LHFPL3: variants seen among roughly 807,000 people sequenced by gnomAD.
LHFPL3 encodes LHFPL tetraspan subfamily member 3 protein.
LHFPL3 carries 5 observed loss-of-function variants against 19.3 expected under a neutral mutation model. The observed-to-expected ratio is 0.26, with a 90% CI of 0.14 to 0.54. The LOEUF is 0.54. Among genes scored for constraint, LHFPL3 ranks in the 20% least tolerant of loss-of-function variants. The pLI, the probability that LHFPL3 is intolerant of heterozygous loss-of-function variation, is 0.94. For synonymous variants in LHFPL3, 133 were observed against 126.2 expected (o/e 1.05, Z -0.36); for missense variants, 249 against 307.4 (o/e 0.81, Z 1.42).
intron 2 of LHFPL3, among the ~76,000 whole-genome samples, chr7:104,797,482 G>T (rs761509163): frequency 2.0e-5 from 3 of 152,124 alleles, no homozygotes; most frequent in Admixed American, 6.6e-5. Flanking sequence ...TGCTCCTTCT[G>T]TATACATCCC....
chr7:104,810,009 G>A (rs1790435412), intron 2 of LHFPL3, among the ~76,000 whole-genome samples: 1 of 152,130 alleles, frequency 6.6e-6, no homozygotes, highest in Admixed American at 6.5e-5. Context: ...TAGTCTAAAT[G>A]GGTTATGCAA....
intron 2 of LHFPL3, among the ~76,000 whole-genome samples, chr7:104,884,767 T>C (rs982090023): frequency 6.6e-6 from 1 of 152,160 alleles, no homozygotes; most frequent in Non-Finnish European, 1.5e-5. Context: ...TTGAAGAAAA[T>C]GACCTTACCT....
intron 2 of LHFPL3, among the ~76,000 whole-genome samples, chr7:104,743,099 C>T (rs1026728018): frequency 4.6e-5 from 7 of 152,004 alleles, no homozygotes; most frequent in East Asian, 1.9e-4. Context: ...CCAGCCTGGG[C>T]GACAGAGAGA....
intron 1 of LHFPL3, among the ~76,000 whole-genome samples, chr7:104,443,049 T>C (rs1305108263): frequency 6.6e-6 from 1 of 152,206 alleles, no homozygotes; most frequent in Non-Finnish European, 1.5e-5. Flanking sequence ...AGAGTACCAA[T>C]AGTTTATACC....
At chr7:104,811,140 C>T (rs898058120) in intron 2 of LHFPL3, among the ~76,000 whole-genome samples, 1 of 53,698 alleles carries the variant, frequency 1.9e-5, no homozygotes, top group Non-Finnish European at 4.1e-5. Flanking sequence ...TCTTTCCTTC[C>T]TTTCTTTCTT....
At chr7:104,657,010 C>A (rs1330403051) in intron 1 of LHFPL3, among the ~76,000 whole-genome samples, 2 of 152,192 alleles carry the variant, frequency 1.3e-5, no homozygotes, top group African/African-American at 4.8e-5. Flanking sequence ...CATTTACTTT[C>A]TTTTGAAAGG....
chr7:104,561,140 G>GA (rs1002982937), intron 1 of LHFPL3, among the ~76,000 whole-genome samples: 6 of 152,102 alleles, frequency 3.9e-5, no homozygotes, highest in South Asian at 2.1e-4. Context: ...GTGTGGTGCT[G>GA]AAAAAAATGT....
At chr7:104,706,815 A>G (rs1340492570) in intron 1 of LHFPL3, among the ~76,000 whole-genome samples, 2 of 152,172 alleles carry the variant, frequency 1.3e-5, no homozygotes, top group African/African-American at 4.8e-5. Context: ...TGGCATTTTA[A>G]TGGTCAGCAT....
chr7:104,632,297 A>C (rs1326267912), intron 1 of LHFPL3, among the ~76,000 whole-genome samples: 1 of 152,208 alleles, frequency 6.6e-6, no homozygotes, highest in African/African-American at 2.4e-5. Flanking sequence ...CAAATAATTA[A>C]ATTCCAACAC....
chr7:104,497,697 G>A (rs1793511998), intron 1 of LHFPL3, among the ~76,000 whole-genome samples: 1 of 151,968 alleles, frequency 6.6e-6, no homozygotes, highest in African/African-American at 2.4e-5. Flanking sequence ...CTCCAAGCTG[G>A]AGGAGTCACT....
In LHFPL3 at chr7:104,578,018, A is replaced by C. The variant is rs553123080; in HGVS notation, c.446-158657A>C. 2.0e-5 allele frequency among the ~76,000 whole-genome samples: 3 copies of C among 152,334 alleles called. No individual in the cohort carries two copies. The South Asian group carries it at 6.2e-4, about 32-fold the overall frequency. On this transcript the variant is annotated intron_variant, in intron 1 of 2. Transcript: ENST00000424859. Reference sequence around the variant, plus strand: ...TCGGTTTATCATCTTGTGTTGCGGCATGTATAGGATGTCAGGAAGAATGGT... The same window carrying C: ...TCGGTTTATCATCTTGTGTTGCGGCCTGTATAGGATGTCAGGAAGAATGGT...
At chr7:104,491,709 TGCACAGAATTATAAAA>T (rs1292116722) in intron 1 of LHFPL3, among the ~76,000 whole-genome samples, 2 of 152,192 alleles carry the variant, frequency 1.3e-5, no homozygotes, top group Non-Finnish European at 2.9e-5. Flanking sequence ...TAAAGCAATG[TGCACAGAATTATAAAA>T]GCACAGAATT....
intron 1 of LHFPL3, among the ~76,000 whole-genome samples, chr7:104,575,815 T>C (rs985080138): frequency 6.6e-6 from 1 of 151,972 alleles, no homozygotes; most frequent in African/African-American, 2.4e-5. Flanking sequence ...TCTGACCACT[T>C]TACCCTTTAA....
chr7:104,851,533 T>C (rs2116615119), intron 2 of LHFPL3, among the ~76,000 whole-genome samples: 1 of 152,346 alleles, frequency 6.6e-6, no homozygotes, highest in Middle Eastern at 3.4e-3. Context: ...TATACTTGGC[T>C]TATACGGCCA....
At chr7:104,348,490 C>T (rs1790114680) in intron 1 of LHFPL3, among the ~76,000 whole-genome samples, 1 of 152,176 alleles carries the variant, frequency 6.6e-6, no homozygotes, top group African/African-American at 2.4e-5. Flanking sequence ...TGGAATGACA[C>T]ATATTCTAAA....
intron 1 of LHFPL3, among the ~76,000 whole-genome samples, chr7:104,363,612 T>C (rs1790432711): frequency 6.6e-6 from 1 of 152,196 alleles, no homozygotes; most frequent in East Asian, 1.9e-4. Flanking sequence ...GCATCCACTC[T>C]CAGTGTTGTG....
intron 2 of LHFPL3, among the ~76,000 whole-genome samples, chr7:104,874,390 CTTT>C (rs1234139276): frequency 3.3e-5 from 4 of 120,524 alleles, no homozygotes; most frequent in African/African-American, 6.3e-5. Flanking sequence ...AAAAGGAATG[CTTT>C]TTTTTTTTTT....
intron 1 of LHFPL3, among the ~76,000 whole-genome samples, chr7:104,733,262 C>CA (rs1793738662): frequency 6.6e-6 from 1 of 152,124 alleles, no homozygotes; most frequent in African/African-American, 2.4e-5. Flanking sequence ...GAGCTGAATT[C>CA]AATTCCTGGA....
intron 1 of LHFPL3, among the ~76,000 whole-genome samples, chr7:104,385,806 C>T (rs184000250): frequency 4.6e-5 from 7 of 152,198 alleles, no homozygotes; most frequent in Non-Finnish European, 1.0e-4. Context: ...TCAAATGTCA[C>T]ATTTTCTTCT....
Sources: allele counts gnomAD v4.1 joint callset (sites outside exome capture counted in the v4.1 genomes callset), GRCh38; gene constraint gnomAD v4.1.1; transcripts MANE v1.5; gene names NCBI Gene and HGNC (gene_info 2026-07-23, HGNC 2026-07-21).